The following KIAA1549L variants were observed in gnomAD, a reference collection of about 807,000 sequenced individuals.
KIAA1549L encodes KIAA1549 like.
KIAA1549L carries 88 observed loss-of-function variants against 160.7 expected under a neutral mutation model. That is an observed-to-expected ratio of 0.55 (90% CI 0.46 to 0.65). The LOEUF is 0.65. Among genes scored for constraint, KIAA1549L ranks in the 30% least tolerant of loss-of-function variants. The pLI is 0.00. For synonymous variants in KIAA1549L, 950 were observed against 976.7 expected (o/e 0.97, Z 0.51); for missense variants, 2,258 against 2,437.5 (o/e 0.93, Z 1.55).
chr11:33,630,343 G>T (rs1851245317), intron 16 of KIAA1549L, among the ~76,000 whole-genome samples: 1 of 152,368 alleles, frequency 6.6e-6, no homozygotes, highest in South Asian at 2.1e-4. Context: ...GTTTACCTAA[G>T]CAAGCCTGGG....
At chr11:33,614,541 T>TCC (rs1564924599) in intron 15 of KIAA1549L, among the ~76,000 whole-genome samples, 17 of 5,654 alleles carry the variant, frequency 3.0e-3, no homozygotes, top group Admixed American at 4.7e-3. Flanking sequence ...GATATATATA[T>TCC]ATATATATAT....
intron 1 of KIAA1549L, among the ~76,000 whole-genome samples, chr11:33,533,456 C>G (rs999632100): frequency 1.3e-5 from 2 of 152,184 alleles, no homozygotes; most frequent in Non-Finnish European, 2.9e-5. Flanking sequence ...TAATAAACTG[C>G]TCTCTGATGC....
Position 33,667,989 on chromosome 11 carries a change from G to T in KIAA1549L, c.6276G>T (p.Gln2092His), listed in dbSNP as rs759009197. 7 of 1,613,950 alleles carry T rather than the reference G, an allele frequency of 4.3e-6. No homozygotes were observed. The change falls in exon 21 of 21, where the codon CAG becomes CAT. Residue 2092 changes from glutamine (Q) to histidine (H), a missense_variant. This residue lies in a region of KIAA1549L where 1,359 missense variants were observed against 1,546.6 expected (regional missense o/e 0.88). Coordinates refer to ENST00000658780, the MANE Select transcript of KIAA1549L (RefSeq NM_012194.3). ...CCAACCTGCACCCCAGCCTGGAGCA[G>T]GCCCCGGCGCCCTCCACAGCGGCCT... ...QPANLHPSLE[Q>H]APAPSTAASQ...
intron 13 of KIAA1549L, among the ~76,000 whole-genome samples, chr11:33,601,828 A>G (rs1044082755): frequency 1.3e-5 from 2 of 152,230 alleles, no homozygotes; most frequent in Admixed American, 6.5e-5. Flanking sequence ...GATGGCTGGC[A>G]TAGGTCCTTA....
At chr11:33,638,433 A>ATAAATAAAT (rs200582452) in intron 16 of KIAA1549L, among the ~76,000 whole-genome samples, 6 of 37,656 alleles carry the variant, frequency 1.6e-4, no homozygotes, top group African/African-American at 8.4e-4. Context: ...AAAAAAAAAA[A>ATAAATAAAT]AAATAAATAA....
chr11:33,583,003 A>G (rs1336998980), intron 10 of KIAA1549L, among the ~76,000 whole-genome samples: 29 of 152,068 alleles, frequency 1.9e-4, no homozygotes, highest in Admixed American at 1.9e-3. Flanking sequence ...TGTGGATGTC[A>G]CCCCTGGGGA....
chr11:33,637,773 G>T (rs945584855), intron 16 of KIAA1549L, among the ~76,000 whole-genome samples: 1 of 152,164 alleles, frequency 6.6e-6, no homozygotes, highest in Non-Finnish European at 1.5e-5. Context: ...TTCTTAGAAG[G>T]ATCAGTCCTT....
intron 1 of KIAA1549L, among the ~76,000 whole-genome samples, chr11:33,397,155 A>AC (rs546103802): frequency 2.4e-4 from 35 of 148,012 alleles, no homozygotes; most frequent in African/African-American, 8.5e-4. Context: ...ATATGGTGAA[A>AC]CCCCGTCTCT....
In KIAA1549L at chr11:33,549,147, AT is replaced by A. The variant is rs559913628; in HGVS notation, c.3501+1279del. On this transcript the variant is annotated intron_variant, in intron 4 of 20. Coordinates refer to ENST00000658780, the MANE Select transcript of KIAA1549L (RefSeq NM_012194.3). Reference sequence around the variant, plus strand: ...TTTACAGACCAGTGTGACAATGAGTATTTTTTTTTTTATGGATTCTGTTTTA... The same window carrying A: ...TTTACAGACCAGTGTGACAATGAGTATTTTTTTTTTATGGATTCTGTTTTA... 9.3e-3 allele frequency among the ~76,000 whole-genome samples: 1,371 copies of A among 147,394 alleles called. 10 individuals are homozygous for A. The highest frequency in any genetic ancestry group is 0.012 in the Non-Finnish European group (821 of 66,312).
chr11:33,580,182 G>A (rs753387230), intron 10 of KIAA1549L, among the ~76,000 whole-genome samples: 3 of 152,166 alleles, frequency 2.0e-5, no homozygotes, highest in Non-Finnish European at 4.4e-5. Context: ...CTTCAGAGTT[G>A]TTATCCAGCT....
chr11:33,628,361 A>T (rs1851179272), intron 16 of KIAA1549L, among the ~76,000 whole-genome samples: 1 of 151,488 alleles, frequency 6.6e-6, no homozygotes, highest in African/African-American at 2.4e-5. Context: ...TGTCTCGTTG[A>T]TCTGTCTAAT....
At chr11:33,428,305 GT>G (rs1382791621) in intron 1 of KIAA1549L, among the ~76,000 whole-genome samples, 1 of 151,924 alleles carries the variant, frequency 6.6e-6, no homozygotes, top group Non-Finnish European at 1.5e-5. Flanking sequence ...ATAATTTCCT[GT>G]TTTTTTAAAA....
intron 3 of KIAA1549L, among the ~76,000 whole-genome samples, chr11:33,545,602 A>T (rs1854225646): frequency 6.6e-6 from 1 of 152,152 alleles, no homozygotes; most frequent in Non-Finnish European, 1.5e-5. Context: ...AACATCTTAC[A>T]ATGCACAGAA....
intron 1 of KIAA1549L, among the ~76,000 whole-genome samples, chr11:33,517,160 C>T (rs1450516374): frequency 2.0e-5 from 3 of 152,166 alleles, no homozygotes; most frequent in African/African-American, 4.8e-5. Context: ...TCTCCCTTTC[C>T]GCCTTTCCTG....
intron 15 of KIAA1549L, among the ~76,000 whole-genome samples, chr11:33,613,221 A>G (rs1409656702): frequency 6.6e-6 from 1 of 152,182 alleles, no homozygotes; most frequent in Non-Finnish European, 1.5e-5. Flanking sequence ...ACTCCCACCA[A>G]CAGTGTATAA....
intron 1 of KIAA1549L, among the ~76,000 whole-genome samples, chr11:33,435,792 ATAT>A (rs1851350461): frequency 3.1e-4 from 4 of 13,048 alleles, no homozygotes; most frequent in East Asian, 2.0e-3. Flanking sequence ...ATATATATAT[ATAT>A]ATATATATAT....
Position 33,610,040 on chromosome 11 carries a change from C to T in KIAA1549L, c.5279+74C>T. The T allele has an allele frequency of 7.1e-6, 8 of 1,120,496 alleles. No homozygotes were observed. In the South Asian group the frequency reaches 1.0e-4, roughly 15 times the overall value. The allele number at this position is 1,120,496 out of a possible 1,614,324, so 69.4% of individuals were successfully genotyped here. On this transcript the variant is annotated intron_variant, in intron 15 of 20. Coordinates refer to ENST00000658780, the MANE Select transcript of KIAA1549L (RefSeq NM_012194.3). ...TAAGGGCAGGCCTTGGGCAGTATAT[C>T]CTGGTTCCTTATCTGGTACTGTAGG...
chr11:33,435,818 G>GTGTGTGTGTGTGTGTGTGTA (rs1554976830), intron 1 of KIAA1549L, among the ~76,000 whole-genome samples: 14 of 45,316 alleles, frequency 3.1e-4, no homozygotes, highest in African/African-American at 6.0e-4. Context: ...ATATGTGTGT[G>GTGTGTGTGTGTGTGTGTGTA]TATATATATA....
chr11:33,472,932 G>A (rs767176207), intron 1 of KIAA1549L, among the ~76,000 whole-genome samples: 2 of 152,130 alleles, frequency 1.3e-5, no homozygotes, highest in African/African-American at 2.4e-5. Flanking sequence ...TGGACTTGGT[G>A]CTCCAGCTTC....
Sources: gnomAD v4.1 joint callset for allele counts (sites outside exome capture counted in the v4.1 genomes callset) on GRCh38, gnomAD v4.1.1 for gene constraint, gnomAD v4.1.1 regional missense constraint, MANE v1.5 for transcripts, NCBI Gene and HGNC (gene_info 2026-07-23, HGNC 2026-07-21) for gene names.